The following OTUD7A variants were observed in gnomAD, a reference collection of about 807,000 sequenced individuals.
OTUD7A encodes OTU domain-containing protein 7A.
OTUD7A carries 12 observed loss-of-function variants against 65.7 expected under a neutral mutation model. The ratio of observed to expected loss-of-function variants is 0.18; its 90% CI spans 0.12 to 0.30. The LOEUF (loss-of-function observed/expected upper bound fraction) is 0.30. Among genes scored for constraint, OTUD7A ranks in the 10% least tolerant of loss-of-function variants. The pLI, the probability that OTUD7A is intolerant of heterozygous loss-of-function variation, is 1.00. For synonymous variants in OTUD7A, 641 were observed against 586.3 expected, an observed-to-expected ratio of 1.09 and a Z score of -1.35; for missense variants, 1,148 against 1,304.8, an observed-to-expected ratio of 0.88 and a Z score of 1.85.
chr15:31,727,732 T>C (rs1893932628), intron 1 of OTUD7A, among the ~76,000 whole-genome samples: 1 of 152,228 alleles, frequency 6.6e-6, no homozygotes, highest in Non-Finnish European at 1.5e-5. Context: ...CCCTGTTGTA[T>C]TTGCCTCCTT....
At chr15:31,508,574 G>C (rs2041620296) in intron 8 of OTUD7A, among the ~76,000 whole-genome samples, 1 of 152,216 alleles carries the variant, frequency 6.6e-6, no homozygotes, top group Non-Finnish European at 1.5e-5. Context: ...GGATGGTCTT[G>C]ATCTCCTGAC....
chr15:31,846,812 A>G (rs1156770759), intron 1 of OTUD7A, among the ~76,000 whole-genome samples: 1 of 152,224 alleles, frequency 6.6e-6, no homozygotes, highest in East Asian at 1.9e-4. Context: ...CTTTTTTCGC[A>G]TATATGATTA....
chr15:31,699,204 C>G (rs567583111), intron 1 of OTUD7A, among the ~76,000 whole-genome samples: 1 of 151,606 alleles, frequency 6.6e-6, no homozygotes, highest in African/African-American at 2.4e-5. Flanking sequence ...CTCAGCCTCC[C>G]GAGTAGCTGG....
intron 1 of OTUD7A, among the ~76,000 whole-genome samples, chr15:31,711,148 T>C (rs1893436013): frequency 6.6e-6 from 1 of 151,086 alleles, no homozygotes; most frequent in South Asian, 2.1e-4. Flanking sequence ...TCATTTAATA[T>C]GTATGTTTTT....
At position 31,511,900 on chromosome 15, in the gene OTUD7A, C is replaced by T. The variant is rs116250348; in HGVS notation, c.894-8082G>A. On this transcript the variant is annotated intron_variant, in intron 8 of 12. Coordinates refer to ENST00000307050, the MANE Select transcript of OTUD7A (RefSeq NM_001382637.1). ...TTTTTACCTTGAGGCTTAACCCCCC[C>T]GCCCATGGGGATTTCTCACCTCTTT... Among the ~76,000 whole-genome samples the T allele has an allele frequency of 6.9e-3, 1,046 of 151,982 alleles. 10 individuals are homozygous for T. Among genetic ancestry groups the T allele is most frequent in the African/African-American group, 0.024 (996 of 41,448 alleles).
intron 8 of OTUD7A, among the ~76,000 whole-genome samples, chr15:31,516,571 A>G (rs1259564821): frequency 2.6e-5 from 4 of 152,176 alleles, no homozygotes; most frequent in Non-Finnish European, 5.9e-5. Context: ...GTGTAACAGA[A>G]ACAAAACAGC....
chr15:31,839,144 G>C (rs1467135150), intron 1 of OTUD7A, among the ~76,000 whole-genome samples: 1 of 152,220 alleles, frequency 6.6e-6, no homozygotes, highest in Non-Finnish European at 1.5e-5. Flanking sequence ...CCTCTGGCTT[G>C]GAGCACCGTT....
chr15:31,692,339 T>C (rs1450479747), intron 1 of OTUD7A, among the ~76,000 whole-genome samples: 1 of 102,168 alleles, frequency 9.8e-6, no homozygotes, highest in Non-Finnish European at 2.2e-5. Context: ...GTGTGGAATA[T>C]ACACAGAACG....
chr15:31,767,967 T>C, intron 1 of OTUD7A: 1 of 1,564,030 alleles, frequency 6.4e-7, no homozygotes. Flanking sequence ...ATTATACGAT[T>C]CTTAAGAAAT....
chr15:31,845,148 AAT>A (rs1442081545), intron 1 of OTUD7A, among the ~76,000 whole-genome samples: 1 of 152,190 alleles, frequency 6.6e-6, no homozygotes, highest in East Asian at 1.9e-4. Context: ...GCTGGTTTAA[AAT>A]AATAATTAAA....
At position 31,546,758 on chromosome 15, in the gene OTUD7A, T is replaced by A. The variant is rs542803661; in HGVS notation, c.550+12211A>T. Among the ~76,000 whole-genome samples the A allele has an allele frequency of 3.9e-5, 6 of 152,366 alleles. No homozygotes were observed. In the East Asian group the frequency reaches 1.2e-3, roughly 29 times the overall value. On this transcript the variant is annotated intron_variant, in intron 5 of 12. Transcript: ENST00000307050. ...ATGGAGAAGTTATTTGTAATACATG[T>A]ATATACATTGCAGTGCAATACACCA...
intron 1 of OTUD7A, among the ~76,000 whole-genome samples, chr15:31,672,299 T>G (rs1358867715): frequency 6.6e-6 from 1 of 152,190 alleles, no homozygotes; most frequent in Non-Finnish European, 1.5e-5. Context: ...CCTGTGGAAA[T>G]TGCTCTGCCC....
At chr15:31,771,027 G>A (rs1895221364) in intron 1 of OTUD7A, among the ~76,000 whole-genome samples, 1 of 152,156 alleles carries the variant, frequency 6.6e-6, no homozygotes, top group East Asian at 1.9e-4. Context: ...GCCCCTCATG[G>A]TCCACATTGT....
chr15:31,727,901 G>A (rs2141356954), intron 1 of OTUD7A, among the ~76,000 whole-genome samples: 1 of 152,166 alleles, frequency 6.6e-6, no homozygotes, highest in Admixed American at 6.5e-5. Context: ...GACACCCCAG[G>A]GCTCCACTCT....
At chr15:31,567,889 C>G (rs1303921406) in intron 4 of OTUD7A, among the ~76,000 whole-genome samples, 1 of 152,240 alleles carries the variant, frequency 6.6e-6, no homozygotes, top group Non-Finnish European at 1.5e-5. Flanking sequence ...GGTGTTAAAC[C>G]TGTAGACATG....
chr15:31,503,844 G>T (rs2041513441), intron 8 of OTUD7A, 26 bp from the exon 9 acceptor site: 1 of 1,613,528 alleles, frequency 6.2e-7, no homozygotes, highest in Non-Finnish European at 8.5e-7. Context: ...GAGCCAGCTG[G>T]TCACTGACTA....
chr15:31,487,471 C>T lies in OTUD7A; in HGVS notation c.1267G>A (p.Asp423Asn), dbSNP rs752492584. ...TCTTACTGGGCCAGCCGGGCGTTATCGTTGTCGTCTTTCCCCCACTCCCAG... is the reference window on the plus strand; with the variant it reads ...TCTTACTGGGCCAGCCGGGCGTTATTGTTGTCGTCTTTCCCCCACTCCCAG... ...KDWEWGKDDN[D>N]NARLAHLILS... is the part of the protein sequence containing the mutation. Residue 423 changes from aspartate (D) to asparagine (N), a missense_variant, in exon 11 of 13, where the codon GAT (aspartate) becomes AAT (asparagine). Asp to Asn is a conservative substitution (Grantham distance 23, BLOSUM62 1). Transcript: ENST00000307050. The surrounding 1 kb of genome is among the most constrained non-coding windows in gnomAD (Gnocchi z 6.0). The T allele has an allele frequency of 1.4e-5, 22 of 1,613,916 alleles. No homozygotes were observed. The highest frequency in any genetic ancestry group is 4.0e-5 in the African/African-American group (3 of 74,908).
chr15:31,654,082 G>A (rs1291822401), intron 3 of OTUD7A, among the ~76,000 whole-genome samples: 7 of 91,360 alleles, frequency 7.7e-5, no homozygotes, highest in African/African-American at 2.6e-4. Flanking sequence ...TTTCACTGCC[G>A]ACCTTATTCC....
At chr15:31,625,392 C>T (rs34929828) in intron 3 of OTUD7A, among the ~76,000 whole-genome samples, 29,973 of 150,172 alleles carry the variant, frequency 0.2, 3,081 homozygotes, top group East Asian at 0.25. Context: ...TATCAGACTT[C>T]GACTAAACAT....
Sources: allele counts gnomAD v4.1 joint callset (sites outside exome capture counted in the v4.1 genomes callset), GRCh38; gene constraint gnomAD v4.1.1; non-coding constraint Gnocchi (gnomAD v3.1); transcripts MANE v1.5; gene names NCBI Gene and HGNC (gene_info 2026-07-23, HGNC 2026-07-21).